RBMS1: variants seen among roughly 807,000 people sequenced by gnomAD.
The protein encoded by RBMS1 is RNA-binding motif, single-stranded-interacting protein 1.
In RBMS1, 17 loss-of-function variants were observed where a neutral mutation model predicts 62.3. The ratio of observed to expected loss-of-function variants is 0.27; its 90% CI spans 0.19 to 0.41. The LOEUF (loss-of-function observed/expected upper bound fraction) is 0.41. Among genes scored for constraint, RBMS1 ranks in the 10% least tolerant of loss-of-function variants. The pLI is 1.00. For synonymous variants in RBMS1, 172 were observed against 170.0 expected (o/e 1.01, Z -0.09); for missense variants, 334 against 504.5 (o/e 0.66, Z 3.24).
At chr2:160,344,011 A>G (rs1692036521) in intron 2 of RBMS1, among the ~76,000 whole-genome samples, 1 of 152,160 alleles carries the variant, frequency 6.6e-6, no homozygotes, top group African/African-American at 2.4e-5. Context: ...AAAGATATGA[A>G]TAAGTTATTT....
intron 1 of RBMS1, among the ~76,000 whole-genome samples, chr2:160,458,993 C>T (rs1177853858): frequency 6.6e-6 from 1 of 152,164 alleles, no homozygotes; most frequent in Non-Finnish European, 1.5e-5. Flanking sequence ...GCAAAAATCG[C>T]ATGAGCTCAA....
chr2:160,302,245 A>C, intron 5 of RBMS1, among the ~76,000 whole-genome samples: 1 of 150,740 alleles, frequency 6.6e-6, no homozygotes. Context: ...CCCAGGCTGG[A>C]GTGCACTGGC....
chr2:160,411,986 G>T (rs915453407), intron 1 of RBMS1, among the ~76,000 whole-genome samples: 2 of 152,216 alleles, frequency 1.3e-5, no homozygotes, highest in African/African-American at 2.4e-5. Context: ...TGTTTCAAGA[G>T]CCTAGGTGCA....
intron 2 of RBMS1, among the ~76,000 whole-genome samples, chr2:160,336,496 T>A (rs1426576338): frequency 6.6e-6 from 1 of 152,118 alleles, no homozygotes; most frequent in African/African-American, 2.4e-5. Flanking sequence ...TCTTTTCTCT[T>A]GAAATACCTA....
intron 6 of RBMS1, 143 bp downstream of exon 6, chr2:160,300,508 T>G: frequency 8.3e-7 from 1 of 1,205,988 alleles, no homozygotes; most frequent in South Asian, 2.6e-5. Flanking sequence ...AGGTGAATTT[T>G]TAAGTCTTAT....
intron 7 of RBMS1, among the ~76,000 whole-genome samples, chr2:160,286,531 G>A (rs1289049453): frequency 1.3e-5 from 2 of 152,060 alleles, no homozygotes; most frequent in Non-Finnish European, 2.9e-5. Context: ...TGTTGGCCAG[G>A]CTGATCTCTA....
At chr2:160,375,105 C>T (rs1693927712) in intron 1 of RBMS1, among the ~76,000 whole-genome samples, 1 of 152,160 alleles carries the variant, frequency 6.6e-6, no homozygotes, top group South Asian at 2.1e-4. Context: ...CTCCAAAATA[C>T]TCTAAAATTC....
At chr2:160,303,963 T>C (rs1017858468) in intron 4 of RBMS1, among the ~76,000 whole-genome samples, 11 of 152,146 alleles carry the variant, frequency 7.2e-5, no homozygotes, top group African/African-American at 2.2e-4. Flanking sequence ...CTCTGCTCTA[T>C]GGCAAAGTTC....
chr2:160,277,046 T>C (rs2925761), intron 12 of RBMS1, among the ~76,000 whole-genome samples: 8,571 of 152,190 alleles, frequency 0.056, 340 homozygotes, highest in South Asian at 0.13. Context: ...TCTGGCCAAT[T>C]TTCAAACAAT....
At chr2:160,388,523 A>T (rs1694698581) in intron 1 of RBMS1, among the ~76,000 whole-genome samples, 1 of 152,120 alleles carries the variant, frequency 6.6e-6, no homozygotes, top group Non-Finnish European at 1.5e-5. Flanking sequence ...GCTAATCGGA[A>T]TCTTCTGGGC....
chr2:160,426,226 AAAGAAAG>A (rs1682571559), intron 1 of RBMS1, among the ~76,000 whole-genome samples: 1 of 89,356 alleles, frequency 1.1e-5, no homozygotes, highest in African/African-American at 4.8e-5. Flanking sequence ...CAGAAGAAAG[AAAGAAAG>A]AAAGAAAGAA....
At chr2:160,281,618 A>T (rs1283537363) in intron 9 of RBMS1, 1 of 345,438 alleles carries the variant, frequency 2.9e-6, no homozygotes, top group African/African-American at 2.1e-5. Flanking sequence ...CAACAAAGAG[A>T]AAAAGGCGAA....
intron 1 of RBMS1, among the ~76,000 whole-genome samples, chr2:160,414,601 A>T (rs1696148791): frequency 6.6e-6 from 1 of 152,214 alleles, no homozygotes; most frequent in South Asian, 2.1e-4. Context: ...AATAACTTAT[A>T]AACATTTTGT....
intron 1 of RBMS1, among the ~76,000 whole-genome samples, chr2:160,472,298 C>T (rs1024120600): frequency 2.6e-5 from 4 of 152,130 alleles, no homozygotes; most frequent in African/African-American, 9.7e-5. Context: ...CCAATACCTA[C>T]ATTAAAAATA....
At chr2:160,350,978 A>G (rs1202957908) in intron 2 of RBMS1, among the ~76,000 whole-genome samples, 1 of 152,130 alleles carries the variant, frequency 6.6e-6, no homozygotes, top group Admixed American at 6.5e-5. Context: ...CAACAGTGTA[A>G]AAGTGTTCCT....
rs556860646 is a variant in RBMS1 at position 160,350,658 on chromosome 2, A to G, written c.251+16558T>C. On this transcript the variant is annotated intron_variant, in intron 2 of 13. Coordinates refer to ENST00000348849, the MANE Select transcript of RBMS1 (RefSeq NM_016836.4). ...CATGCTCAAGGCTGGGAATTTATCAAGAGGTTTATCAGGAACTCAGGTAGA... is the reference window on the plus strand; with the variant it reads ...CATGCTCAAGGCTGGGAATTTATCAGGAGGTTTATCAGGAACTCAGGTAGA... Among the ~76,000 whole-genome samples the G allele has an allele frequency of 2.6e-5, 4 of 152,214 alleles. No homozygotes were observed. The South Asian group carries it at 8.3e-4, about 32-fold the overall frequency.
In RBMS1 at chr2:160,457,122, AATTAATTT is replaced by A. The variant is rs1473244481; in HGVS notation, c.75+36159_75+36166del. 4.6e-5 allele frequency among the ~76,000 whole-genome samples: 5 copies of A among 108,942 alleles called. No homozygotes were observed. In the East Asian group the frequency reaches 6.2e-4, roughly 13 times the overall value. 71.5% of individuals were successfully genotyped at this position (108,942 alleles called of 152,430 possible). A position where few individuals can be genotyped will look rare whatever the true frequency, so the allele number is the denominator to read the frequency against. On this transcript the variant is annotated intron_variant, in intron 1 of 13. Coordinates refer to ENST00000348849, the MANE Select transcript of RBMS1 (RefSeq NM_016836.4). ...ATGTTTATTTTATTTTTATTTATTTAATTAATTTATTTATTTATTTATTTTTGAGATGG... is the reference window on the plus strand; with the variant it reads ...ATGTTTATTTTATTTTTATTTATTTAATTTATTTATTTATTTTTGAGATGG...
chr2:160,450,997 A>C (rs967360834), intron 1 of RBMS1, among the ~76,000 whole-genome samples: 4 of 152,192 alleles, frequency 2.6e-5, no homozygotes, highest in East Asian at 1.9e-4. Context: ...TCTACAAAAA[A>C]CTATAAAAAT....
intron 1 of RBMS1, among the ~76,000 whole-genome samples, chr2:160,455,390 T>C (rs1427325352): frequency 1.3e-5 from 2 of 152,202 alleles, no homozygotes; most frequent in African/African-American, 4.8e-5. Context: ...AATGTGCTTG[T>C]GACATTTTGT....
Sources: allele counts gnomAD v4.1 joint callset (sites outside exome capture counted in the v4.1 genomes callset), GRCh38; gene constraint gnomAD v4.1.1; transcripts MANE v1.5; gene names NCBI Gene and HGNC (gene_info 2026-07-23, HGNC 2026-07-21).